Variants in NR2C2 observed in about 807,000 individuals in gnomAD.
The protein encoded by NR2C2 is Nuclear hormone receptor TR4.
In NR2C2, 6 loss-of-function variants were observed where a neutral mutation model predicts 62.9. The observed-to-expected ratio is 0.10, with a 90% CI of 0.05 to 0.19. The LOEUF is 0.19. Ranked by LOEUF, NR2C2 falls within the 10% of genes least tolerant of loss-of-function variation. The probability of loss-of-function intolerance (pLI) is 1.00; values close to 1 mark genes in which losing one functional copy is unlikely to be tolerated. For missense variants in NR2C2, 479 were observed against 762.7 expected (o/e 0.63, Z 4.38); for synonymous variants, 272 against 273.8 (o/e 0.99, Z 0.07).
chr3:15,034,918 C>T, intron 11 of NR2C2, 109 bp downstream of exon 11: 2 of 1,170,650 alleles, frequency 1.7e-6, no homozygotes, highest in Non-Finnish European at 2.3e-6. Context: ...CCTTTGTTGA[C>T]CCAGGCTGGC....
intron 1 of NR2C2, among the ~76,000 whole-genome samples, chr3:14,954,114 ATAAGATGAC>A (rs1301039360): frequency 2.0e-5 from 3 of 152,266 alleles, no homozygotes; most frequent in African/African-American, 4.8e-5. Context: ...TATTAGGTTG[ATAAGATGAC>A]TAACCCTGGA....
At chr3:15,021,413 G>A (rs556368763) in intron 5 of NR2C2, among the ~76,000 whole-genome samples, 1 of 152,322 alleles carries the variant, frequency 6.6e-6, no homozygotes, top group East Asian at 1.9e-4. Flanking sequence ...AAGCCTCTGT[G>A]TAGCTGGGAT....
At chr3:15,032,152 GA>G (rs1389802328) in intron 9 of NR2C2, among the ~76,000 whole-genome samples, 1 of 152,176 alleles carries the variant, frequency 6.6e-6, no homozygotes, top group African/African-American at 2.4e-5. Flanking sequence ...GGGCTGGGAA[GA>G]TCCCCTTAGG....
At chr3:14,969,411 TTTTGTAC>T (rs1239682781) in intron 1 of NR2C2, among the ~76,000 whole-genome samples, 1 of 151,950 alleles carries the variant, frequency 6.6e-6, no homozygotes, top group Non-Finnish European at 1.5e-5. Flanking sequence ...CCCAGCTAAT[TTTTGTAC>T]TTTTAGCAGA....
intron 7 of NR2C2, 80 bp from the exon 8 acceptor site, chr3:15,028,506 C>T (rs1575027105): frequency 7.1e-7 from 1 of 1,410,552 alleles, no homozygotes; most frequent in African/African-American, 1.4e-5. Flanking sequence ...TGTTTTTGAA[C>T]CAGCATTATA....
chr3:15,039,726 A>G (rs549704223), intron 13 of NR2C2, among the ~76,000 whole-genome samples: 110 of 152,334 alleles, frequency 7.2e-4, no homozygotes, highest in Non-Finnish European at 1.4e-3. Context: ...ACAGAAATCA[A>G]ATCTGACCCC....
In NR2C2 at chr3:15,030,205, A is replaced by G. The variant is rs1459796838; in HGVS notation, c.933-70A>G. ...TTTCCCACTGTAGTTTTTCTAAATCATAGCTAGAATTCTGTTCCCCCTAAA... is the reference window on the plus strand; with the variant it reads ...TTTCCCACTGTAGTTTTTCTAAATCGTAGCTAGAATTCTGTTCCCCCTAAA... On this transcript the variant is annotated intron_variant, in intron 8 of 13. Coordinates refer to ENST00000425241, the MANE Select transcript of NR2C2 (RefSeq NM_001291694.2). The G allele has an allele frequency of 3.9e-6, 5 of 1,293,480 alleles. No homozygotes were observed. In the Admixed American group the frequency reaches 9.7e-5, roughly 25 times the overall value. 80.1% of individuals were successfully genotyped at this position (1,293,480 alleles called of 1,614,324 possible). A position where few individuals can be genotyped will look rare whatever the true frequency, so the allele number is the denominator to read the frequency against.
At chr3:14,969,158 A>G in intron 1 of NR2C2, among the ~76,000 whole-genome samples, 1 of 152,240 alleles carries the variant, frequency 6.6e-6, no homozygotes, top group Middle Eastern at 3.4e-3. Flanking sequence ...AAAAAAAGAA[A>G]AAAAAATTTC....
intron 1 of NR2C2, 102 bp from the exon 2 acceptor site, chr3:15,003,774 T>G (rs1357927288): frequency 2.8e-6 from 2 of 703,022 alleles, no homozygotes; most frequent in African/African-American, 3.6e-5. Flanking sequence ...CCATACAAGT[T>G]CATCACTCCA....
intron 6 of NR2C2, 90 bp from the exon 7 acceptor site, chr3:15,024,025 C>A: frequency 1.1e-6 from 1 of 932,750 alleles, no homozygotes; most frequent in Non-Finnish European, 1.7e-6. Context: ...CAGACAGCTT[C>A]ACAAATGTGG....
At chr3:15,029,805 A>ATAGAT (rs2041922018) in intron 8 of NR2C2, among the ~76,000 whole-genome samples, 1 of 121,928 alleles carries the variant, frequency 8.2e-6, no homozygotes, top group Admixed American at 8.1e-5. Flanking sequence ...AGATAGATAG[A>ATAGAT]TAGATAGATA....
At chr3:15,038,296 G>A (rs912336086) in intron 12 of NR2C2, 159 bp downstream of exon 12, 15 of 686,016 alleles carry the variant, frequency 2.2e-5, no homozygotes, top group African/African-American at 1.1e-4. Context: ...ATACATAAAC[G>A]CTTTTAAATT....
At chr3:14,988,547 A>G (rs1410164277) in intron 1 of NR2C2, among the ~76,000 whole-genome samples, 5 of 152,236 alleles carry the variant, frequency 3.3e-5, no homozygotes, top group Admixed American at 6.5e-5. Context: ...CTTGACCTCA[A>G]TGGTTTAGTC....
chr3:15,013,168 A>G (rs1367505896), intron 2 of NR2C2, among the ~76,000 whole-genome samples: 1 of 152,156 alleles, frequency 6.6e-6, no homozygotes, highest in East Asian at 1.9e-4. Context: ...TATTTACAGG[A>G]CCTTTTAGAA....
intron 1 of NR2C2, among the ~76,000 whole-genome samples, chr3:14,976,602 C>CTTTTTTTTTTTTTTTT (rs533538010): frequency 8.8e-5 from 8 of 90,740 alleles, no homozygotes; most frequent in African/African-American, 4.1e-4. Context: ...TCCTTCCTTC[C>CTTTTTTTTTTTTTTTT]TTTTTTTTTT....
chr3:14,956,617 C>G (rs1252935561), intron 1 of NR2C2, among the ~76,000 whole-genome samples: 4 of 152,100 alleles, frequency 2.6e-5, no homozygotes, highest in Non-Finnish European at 5.9e-5. Context: ...AATCTCAGCT[C>G]ACTGCAACCT....
intron 1 of NR2C2, among the ~76,000 whole-genome samples, chr3:14,973,965 T>A (rs1325206654): frequency 6.6e-6 from 1 of 152,192 alleles, no homozygotes; most frequent in Non-Finnish European, 1.5e-5. Context: ...ACAAGTCAGA[T>A]CATCAAGTCA....
chr3:14,996,935 G>T (rs2040850383), intron 1 of NR2C2, among the ~76,000 whole-genome samples: 1 of 152,138 alleles, frequency 6.6e-6, no homozygotes, highest in African/African-American at 2.4e-5. Flanking sequence ...ATAGCCTGTG[G>T]GTACTCCAAT....
intron 1 of NR2C2, among the ~76,000 whole-genome samples, chr3:14,963,967 G>A (rs2039763932): frequency 6.6e-6 from 1 of 152,050 alleles, no homozygotes; most frequent in Admixed American, 6.6e-5. Context: ...GAAAATGAAA[G>A]AAGATAGATT....
Sources: allele counts gnomAD v4.1 joint callset (sites outside exome capture counted in the v4.1 genomes callset), GRCh38; gene constraint gnomAD v4.1.1; transcripts MANE v1.5; gene names NCBI Gene and HGNC (gene_info 2026-07-23, HGNC 2026-07-21).